Variants in DLGAP2 observed in about 807,000 individuals in gnomAD.
The protein encoded by DLGAP2 is DLG associated protein 2, also known as disks large-associated protein 2.
Under a neutral mutation model 100.3 loss-of-function variants are expected in DLGAP2, and 26 were observed. The observed-to-expected ratio is 0.26, with a 90% CI of 0.19 to 0.36. DLGAP2 has a LOEUF of 0.36. DLGAP2 is among the 10% of genes least tolerant of loss of function. The pLI, the probability that DLGAP2 is intolerant of heterozygous loss-of-function variation, is 1.00. For synonymous variants in DLGAP2, 886 were observed against 630.1 expected (o/e 1.41, Z -6.08); for missense variants, 1,858 against 1,453.2 (o/e 1.28, Z -4.53).
At chr8:848,744 C>G (rs1797116853) in intron 1 of DLGAP2, among the ~76,000 whole-genome samples, 1 of 121,628 alleles carries the variant, frequency 8.2e-6, no homozygotes, top group Non-Finnish European at 1.7e-5. Context: ...GGTGCGTGTT[C>G]CAGTGTAGGG....
intron 2 of DLGAP2, among the ~76,000 whole-genome samples, chr8:1,213,755 C>G (rs1288850038): frequency 6.6e-6 from 1 of 152,200 alleles, no homozygotes; most frequent in Non-Finnish European, 1.5e-5. Context: ...CCATGAAGTG[C>G]TTTCTGGACA....
chr8:1,209,799 G>A (rs1330671344), intron 2 of DLGAP2, among the ~76,000 whole-genome samples: 1 of 152,108 alleles, frequency 6.6e-6, no homozygotes, highest in Admixed American at 6.5e-5. Flanking sequence ...TGACTTGTCT[G>A]TATCCTAAGT....
At chr8:932,366 G>A (rs1425797352) in intron 2 of DLGAP2, among the ~76,000 whole-genome samples, 1 of 152,166 alleles carries the variant, frequency 6.6e-6, no homozygotes, top group African/African-American at 2.4e-5. Context: ...CTTATGATTT[G>A]TAAAGGGAAA....
chr8:1,418,139 C>T (rs968508868), intron 3 of DLGAP2, among the ~76,000 whole-genome samples: 1 of 152,178 alleles, frequency 6.6e-6, no homozygotes, highest in East Asian at 1.9e-4. Flanking sequence ...ACAGTGTGGC[C>T]TCATGCACAG....
At chr8:1,052,606 A>G (rs76164473) in intron 2 of DLGAP2, among the ~76,000 whole-genome samples, 1 of 152,104 alleles carries the variant, frequency 6.6e-6, no homozygotes, top group African/African-American at 2.4e-5. Flanking sequence ...GCCTCGAAAG[A>G]TGGCTGGGGG....
intron 2 of DLGAP2, among the ~76,000 whole-genome samples, chr8:1,092,685 G>C (rs1804225210): frequency 6.6e-6 from 1 of 152,184 alleles, no homozygotes; most frequent in Non-Finnish European, 1.5e-5. Flanking sequence ...GAGGTTTCAG[G>C]GTTGGTTCTG....
intron 1 of DLGAP2, among the ~76,000 whole-genome samples, chr8:789,099 C>T (rs144662073): frequency 6.6e-6 from 1 of 152,202 alleles, no homozygotes; most frequent in Non-Finnish European, 1.5e-5. Context: ...AAAACACAGT[C>T]AGAGGTGTGA....
chr8:1,113,386 T>C (rs4735983), intron 2 of DLGAP2, among the ~76,000 whole-genome samples: 146,936 of 152,286 alleles, frequency 0.96, 71,017 homozygotes, highest in African/African-American at 0.99. Flanking sequence ...GAGGAGCATT[T>C]GGTAATTCTC....
intron 2 of DLGAP2, among the ~76,000 whole-genome samples, chr8:1,201,994 GGT>G (rs1228247235): frequency 1.2e-4 from 18 of 151,994 alleles, no homozygotes; most frequent in South Asian, 1.0e-3. Context: ...GTGTATATGT[GGT>G]GTGTGTGTAT....
intron 4 of DLGAP2, among the ~76,000 whole-genome samples, chr8:1,534,625 A>G (rs1020190132): frequency 6.6e-6 from 1 of 152,230 alleles, no homozygotes; most frequent in Non-Finnish European, 1.5e-5. Flanking sequence ...GAACTTTGAT[A>G]TATGTGGAAT....
chr8:1,333,070 G>C (rs1057253640), intron 3 of DLGAP2, among the ~76,000 whole-genome samples: 1 of 152,204 alleles, frequency 6.6e-6, no homozygotes, highest in Non-Finnish European at 1.5e-5. Flanking sequence ...ATGGTGTCTG[G>C]AGGAGGTCAG....
At chr8:1,264,010 G>A (rs1308029924) in intron 3 of DLGAP2, among the ~76,000 whole-genome samples, 2 of 152,126 alleles carry the variant, frequency 1.3e-5, no homozygotes, top group East Asian at 3.9e-4. Flanking sequence ...GTGGAAATCA[G>A]AAAACAGTCT....
intron 1 of DLGAP2, among the ~76,000 whole-genome samples, chr8:841,923 C>G (rs892933359): frequency 1.3e-5 from 2 of 152,182 alleles, no homozygotes; most frequent in Non-Finnish European, 2.9e-5. Context: ...TTACAGCAGT[C>G]CATAATTAAA....
intron 2 of DLGAP2, among the ~76,000 whole-genome samples, chr8:982,371 T>C (rs750301922): frequency 2.0e-5 from 3 of 152,264 alleles, no homozygotes; most frequent in African/African-American, 4.8e-5. Flanking sequence ...GTTGATATTT[T>C]TGTGGCTTCT....
chr8:1,598,769 G>T (rs1190865226), intron 6 of DLGAP2, among the ~76,000 whole-genome samples: 2 of 151,962 alleles, frequency 1.3e-5, no homozygotes, highest in East Asian at 3.9e-4. Flanking sequence ...TTCTTTAATA[G>T]TCTGGGTAGT....
At chr8:1,179,321 G>C (rs765191789) in intron 2 of DLGAP2, among the ~76,000 whole-genome samples, 3 of 152,248 alleles carry the variant, frequency 2.0e-5, no homozygotes, top group Non-Finnish European at 4.4e-5. Context: ...ATTTTCGCCT[G>C]TGCCAAGGTG....
At chr8:996,933 C>A (rs776108707) in intron 2 of DLGAP2, among the ~76,000 whole-genome samples, 3 of 152,152 alleles carry the variant, frequency 2.0e-5, no homozygotes, top group Non-Finnish European at 4.4e-5. Flanking sequence ...TTTAGAATTT[C>A]GCTTTGGAAC....
chr8:1,074,346 G>C (rs1290369586), intron 2 of DLGAP2, among the ~76,000 whole-genome samples: 1 of 152,104 alleles, frequency 6.6e-6, no homozygotes, highest in African/African-American at 2.4e-5. Context: ...AACTCACCCA[G>C]GTACATATTC....
chr8:1,327,326 C>T (rs1396990409), intron 3 of DLGAP2, among the ~76,000 whole-genome samples: 2 of 152,320 alleles, frequency 1.3e-5, no homozygotes, highest in East Asian at 1.9e-4. Flanking sequence ...TGTGGCTCCA[C>T]GGGGACTGCA....
Sources: allele counts gnomAD v4.1 joint callset (sites outside exome capture counted in the v4.1 genomes callset), GRCh38; gene constraint gnomAD v4.1.1; transcripts MANE v1.5; gene names NCBI Gene and HGNC (gene_info 2026-07-23, HGNC 2026-07-21).